The following USP34 variants were observed in gnomAD, a reference collection of about 807,000 sequenced individuals.
USP34 encodes the protein ubiquitin specific peptidase 34, also known as ubiquitin carboxyl-terminal hydrolase 34.
Under a neutral mutation model 460.3 loss-of-function variants are expected in USP34, and 70 were observed. The ratio of observed to expected loss-of-function variants is 0.15; its 90% CI spans 0.13 to 0.19. The LOEUF is 0.19. Ranked by LOEUF, USP34 falls within the 10% of genes least tolerant of loss-of-function variation. USP34 has a pLI of 1.00. For missense variants in USP34, 3,985 were observed against 4,236.2 expected (o/e 0.94, Z 1.65); for synonymous variants, 1,647 against 1,405.3 (o/e 1.17, Z -3.85).
intron 1 of USP34, among the ~76,000 whole-genome samples, chr2:61,445,222 TAAAAAAAAAAAAAA>T (rs57854651): frequency 2.5e-5 from 1 of 40,656 alleles, no homozygotes; most frequent in African/African-American, 1.1e-4. Context: ...AGAACCACAC[TAAAAAAAAAAAAAA>T]AAAAAAAAAA....
rs35618230 is a variant in USP34, at chr2:61,268,438, TAAAAAAAAAAAAAAAAA to T, written c.5434-2288_5434-2272del. Among the ~76,000 whole-genome samples the T allele has an allele frequency of 9.0e-4, 48 of 53,420 alleles. 1 individual carries two copies. The highest frequency in any genetic ancestry group is 3.6e-3 in the African/African-American group (48 of 13,466). 35.0% of individuals were successfully genotyped at this position (53,420 alleles called of 152,430 possible). ...TTTGAGTTCATGCAAGAGCTGTTGTTAAAAAAAAAAAAAAAAAAAAAAAAAAAAAAGTGTTGCACCTC... is the reference window on the plus strand; with the variant it reads ...TTTGAGTTCATGCAAGAGCTGTTGTTAAAAAAAAAAAAAGTGTTGCACCTC... On this transcript the variant is annotated intron_variant, in intron 41 of 79. Transcript: ENST00000398571.
intron 76 of USP34, among the ~76,000 whole-genome samples, 163 bp downstream of exon 76, chr2:61,192,738 C>T (rs1686679513): frequency 6.6e-6 from 1 of 152,204 alleles, no homozygotes; most frequent in Non-Finnish European, 1.5e-5. Flanking sequence ...AAACTAGATG[C>T]CTAATATGTA....
chr2:61,222,594 CAT>C lies in USP34; in HGVS notation c.7794+23_7794+24del, dbSNP rs1687618354. 3 of 1,599,962 alleles carry C rather than the reference CAT, an allele frequency of 1.9e-6. No homozygotes were observed. In the East Asian group the frequency reaches 6.7e-5, roughly 36 times the overall value. ...GCAGTGCTGAAAATTGTTTTAAAAA[CAT>C]AAATTAACAAATGTTTACATACCTC... On this transcript the variant is annotated intron_variant, in intron 65 of 79. Transcript: ENST00000398571.
chr2:61,353,392 ATGT>A (rs1692008181), intron 10 of USP34, among the ~76,000 whole-genome samples: 1 of 143,846 alleles, frequency 7.0e-6, no homozygotes. Flanking sequence ...TCCTAGACGA[ATGT>A]TTTTTTTTTT....
intron 10 of USP34, among the ~76,000 whole-genome samples, chr2:61,368,599 A>AT (rs1692513110): frequency 6.6e-6 from 1 of 152,340 alleles, no homozygotes; most frequent in African/African-American, 2.4e-5. Context: ...AAAAATTGGT[A>AT]TATCAAGTCA....
At position 61,378,937 on chromosome 2, in the gene USP34, A is replaced by AC. The variant is rs58916653; in HGVS notation, c.1015-514dup. Among the ~76,000 whole-genome samples, 36 of 131,546 alleles carry AC rather than the reference A, an allele frequency of 2.7e-4. No individual in the cohort carries two copies. The South Asian group carries it at 8.0e-3, about 29-fold the overall frequency. 86.3% of individuals were successfully genotyped at this position (131,546 alleles called of 152,430 possible). A position where few individuals can be genotyped will look rare whatever the true frequency, so the allele number is the denominator to read the frequency against. ...CGAAAAAAAAAAAAAAAAAAAAAAA[A>AC]CAACACTAAATTCATTCCACAAATA... On this transcript the variant is annotated intron_variant, in intron 7 of 79. Transcript: ENST00000398571.
At chr2:61,423,761 C>A (rs778429615) in intron 1 of USP34, among the ~76,000 whole-genome samples, 1 of 152,114 alleles carries the variant, frequency 6.6e-6, no homozygotes, top group African/African-American at 2.4e-5. Flanking sequence ...CTGGGCAACA[C>A]AGCAAGGTAC....
chr2:61,263,524 T>TA (rs1156329188), intron 43 of USP34, among the ~76,000 whole-genome samples: 1 of 148,094 alleles, frequency 6.8e-6, no homozygotes, highest in African/African-American at 2.5e-5. Flanking sequence ...CTCTGTCGCC[T>TA]AGGCTGCAGT....
intron 10 of USP34, among the ~76,000 whole-genome samples, chr2:61,365,995 A>C (rs1406507418): frequency 6.7e-6 from 1 of 148,920 alleles, no homozygotes; most frequent in Non-Finnish European, 1.5e-5. Flanking sequence ...TCTGCTGCCC[A>C]GGCTGGGGTA....
At chr2:61,462,129 C>A (rs1480447777) in intron 1 of USP34, among the ~76,000 whole-genome samples, 1 of 151,676 alleles carries the variant, frequency 6.6e-6, no homozygotes, top group Admixed American at 6.6e-5. Flanking sequence ...ATCACAGCTA[C>A]CCAGGAGGTT....
chr2:61,364,037 T>C (rs1006756228), intron 10 of USP34, among the ~76,000 whole-genome samples: 29 of 152,166 alleles, frequency 1.9e-4, no homozygotes, highest in African/African-American at 6.5e-4. Context: ...ATTCCACTTA[T>C]AGAAGGTACC....
chr2:61,457,699 A>G (rs1695478636), intron 1 of USP34, among the ~76,000 whole-genome samples: 1 of 152,140 alleles, frequency 6.6e-6, no homozygotes, highest in South Asian at 2.1e-4. Flanking sequence ...CCATTCCCAA[A>G]TAAATAAGCA....
intron 43 of USP34, among the ~76,000 whole-genome samples, chr2:61,261,785 A>G (rs574948743): frequency 1.8e-4 from 28 of 152,252 alleles, no homozygotes; most frequent in African/African-American, 6.7e-4. Flanking sequence ...TGACTAGAGT[A>G]CTTGCCAGAA....
Position 61,336,993 on chromosome 2 carries a change from A to G in USP34, c.2744+2358T>C, listed in dbSNP as rs184050917. On this transcript the variant is annotated intron_variant, in intron 18 of 79. Transcript: ENST00000398571. ...ATAGGACCCTTAATGGCTGCATGAT[A>G]TTTAATCTTTCATACAGTTTTCTCT... Among the ~76,000 whole-genome samples, 259 of 152,234 alleles carry G rather than the reference A, an allele frequency of 1.7e-3. 1 individual carries two copies. The highest frequency in any genetic ancestry group is 3.2e-3 in the Non-Finnish European group (217 of 68,020).
At chr2:61,290,401 CTTTAT>C (rs1489074586) in intron 33 of USP34, among the ~76,000 whole-genome samples, 1 of 152,074 alleles carries the variant, frequency 6.6e-6, no homozygotes, top group East Asian at 1.9e-4. Context: ...TTTACAGAAA[CTTTAT>C]TTTAACAACC....
intron 10 of USP34, among the ~76,000 whole-genome samples, chr2:61,355,704 A>C (rs954853353): frequency 6.6e-6 from 1 of 152,212 alleles, no homozygotes; most frequent in Non-Finnish European, 1.5e-5. Flanking sequence ...GAGGCAGAAA[A>C]ACACTACAAG....
At chr2:61,300,782 T>A (rs1223660234) in intron 29 of USP34, among the ~76,000 whole-genome samples, 169 bp downstream of exon 29, 1 of 138,944 alleles carries the variant, frequency 7.2e-6, no homozygotes, top group Non-Finnish European at 1.5e-5. Flanking sequence ...GTCAACAGAG[T>A]GAGATGCCGT....
At chr2:61,309,874 G>T (rs1465189204) in intron 27 of USP34, among the ~76,000 whole-genome samples, 2 of 152,080 alleles carry the variant, frequency 1.3e-5, no homozygotes, top group Admixed American at 1.3e-4. Flanking sequence ...CCCAAATTAG[G>T]CTGTATACAT....
chr2:61,431,179 C>T (rs1469875267), intron 1 of USP34, among the ~76,000 whole-genome samples: 1 of 152,038 alleles, frequency 6.6e-6, no homozygotes, highest in Non-Finnish European at 1.5e-5. Flanking sequence ...TATAGTACTG[C>T]AGGATGACTA....
Sources: allele counts gnomAD v4.1 joint callset (sites outside exome capture counted in the v4.1 genomes callset), GRCh38; gene constraint gnomAD v4.1.1; transcripts MANE v1.5; gene names NCBI Gene and HGNC (gene_info 2026-07-23, HGNC 2026-07-21).